The following PCNX1 variants were observed in gnomAD, a reference collection of about 807,000 sequenced individuals.
The protein encoded by PCNX1 is pecanex-like protein 1.
PCNX1 carries 78 observed loss-of-function variants against 242.2 expected under a neutral mutation model. The ratio of observed to expected loss-of-function variants is 0.32; its 90% CI spans 0.27 to 0.39. The LOEUF (loss-of-function observed/expected upper bound fraction) is 0.39, where lower values mean the gene tolerates loss of function less well. Among genes scored for constraint, PCNX1 ranks in the 10% least tolerant of loss-of-function variants. The probability of loss-of-function intolerance (pLI) is 1.00; values close to 1 mark genes in which losing one functional copy is unlikely to be tolerated. For missense variants in PCNX1, 2,581 were observed against 2,856.5 expected, an observed-to-expected ratio of 0.90 and a Z score of 2.20; for synonymous variants, 1,024 against 1,032.9, an observed-to-expected ratio of 0.99 and a Z score of 0.17.
At position 70,990,407 on chromosome 14, in the gene PCNX1, A is replaced by T. The variant is rs561982569; in HGVS notation, c.2444+1708A>T. On this transcript the variant is annotated intron_variant, in intron 7 of 35. Coordinates refer to ENST00000304743, the MANE Select transcript of PCNX1 (RefSeq NM_014982.3). The stretch of plus-strand genomic sequence containing the variant: ...ACCTCGTCTCTACTAAAAATAAAAA[A>T]AAAAAAATTAGCTGGGCCTGGTGGT... Among the ~76,000 whole-genome samples, 626 of 151,814 alleles carry T rather than the reference A, an allele frequency of 4.1e-3. 6 individuals are homozygous for T. The highest frequency in any genetic ancestry group is 0.014 in the African/African-American group (570 of 41,408).
At chr14:70,940,264 C>G (rs910607438) in intron 1 of PCNX1, among the ~76,000 whole-genome samples, 3 of 152,122 alleles carry the variant, frequency 2.0e-5, no homozygotes, top group Non-Finnish European at 4.4e-5. Flanking sequence ...GCAGTGGTTG[C>G]TACTGGTTGT....
Position 71,033,421 on chromosome 14 carries a change from T to G in PCNX1, c.3559-8T>G. On this transcript the variant is annotated splice_polypyrimidine_tract_variant and splice_region_variant and intron_variant, in intron 16 of 35. Coordinates refer to ENST00000304743, the MANE Select transcript of PCNX1 (RefSeq NM_014982.3). ...GCATATTATTCTGTTAAATTCATTT[T>G]TCCGCAGGATTCTTGGGATGGCCAG... The G allele has an allele frequency of 6.9e-7, 1 of 1,442,132 alleles. No homozygotes were observed. Among genetic ancestry groups the G allele is most frequent in the African/African-American group, 1.4e-5 (1 of 71,300 alleles). The allele number at this position is 1,442,132 out of a possible 1,614,324, so 89.3% of individuals were successfully genotyped here.
chr14:71,053,062 C>A (rs2141198904), intron 24 of PCNX1, among the ~76,000 whole-genome samples: 1 of 152,246 alleles, frequency 6.6e-6, no homozygotes, highest in African/African-American at 2.4e-5. Flanking sequence ...AAATTGTAAT[C>A]TCACCTTTTA....
chr14:70,949,240 T>C (rs28705925), intron 2 of PCNX1, among the ~76,000 whole-genome samples: 7 of 127,404 alleles, frequency 5.5e-5, no homozygotes, highest in South Asian at 2.3e-4. Context: ...TATGTGTATA[T>C]ACACACGTGT....
intron 8 of PCNX1, among the ~76,000 whole-genome samples, chr14:71,002,934 CATT>C (rs2059546667): frequency 6.6e-6 from 1 of 152,068 alleles, no homozygotes; most frequent in Admixed American, 6.6e-5. Flanking sequence ...AATGGTAACT[CATT>C]GTGGTTTAAA....
At chr14:70,966,838 A>T (rs868268304) in intron 3 of PCNX1, among the ~76,000 whole-genome samples, 1 of 152,236 alleles carries the variant, frequency 6.6e-6, no homozygotes, top group African/African-American at 2.4e-5. Context: ...TCTAGCAGAA[A>T]AATAGCAAAT....
chr14:70,918,648 A>G (rs2056245127), intron 1 of PCNX1, among the ~76,000 whole-genome samples: 1 of 152,210 alleles, frequency 6.6e-6, no homozygotes, highest in Non-Finnish European at 1.5e-5. Flanking sequence ...TACAAAATGC[A>G]GTATCTGTGA....
At chr14:71,105,898 T>TTA (rs1325019882) in intron 33 of PCNX1, among the ~76,000 whole-genome samples, 1 of 148,326 alleles carries the variant, frequency 6.7e-6, no homozygotes, top group Non-Finnish European at 1.5e-5. Flanking sequence ...TCATATTATT[T>TTA]TATATATATA....
intron 8 of PCNX1, among the ~76,000 whole-genome samples, chr14:71,003,045 T>G (rs2059549760): frequency 6.6e-6 from 1 of 150,776 alleles, no homozygotes; most frequent in Admixed American, 6.7e-5. Context: ...GTCCAGAAAT[T>G]TACTCATTTT....
chr14:70,921,235 G>A (rs576224280), intron 1 of PCNX1, among the ~76,000 whole-genome samples: 1 of 152,150 alleles, frequency 6.6e-6, no homozygotes, highest in East Asian at 1.9e-4. Context: ...TACATTACAC[G>A]TAATTTCCAC....
At chr14:70,929,758 T>G (rs2056722319) in intron 1 of PCNX1, among the ~76,000 whole-genome samples, 1 of 152,198 alleles carries the variant, frequency 6.6e-6, no homozygotes, top group Non-Finnish European at 1.5e-5. Context: ...GATGTAGATG[T>G]GCTATGTAAA....
chr14:71,114,274 T>C lies in PCNX1; in HGVS notation c.*4339T>C, dbSNP rs2141952581. The C allele has an allele frequency of 6.6e-6, 1 of 152,316 alleles. No homozygotes were observed. Among genetic ancestry groups the C allele is most frequent in the Non-Finnish European group, 1.5e-5 (1 of 68,016 alleles). The allele number at this position is 152,316 out of a possible 1,614,324, so 9.4% of individuals were successfully genotyped here. On this transcript the variant is annotated 3_prime_UTR_variant, in exon 36 of 36. Transcript: ENST00000304743. The stretch of plus-strand genomic sequence containing the variant: ...CGTTTTCTCCATTTATCTATCTTTT[T>C]TGTTTGTTTTTAATTTGGTTGATTG...
At chr14:70,949,057 T>C (rs374224929) in intron 2 of PCNX1, among the ~76,000 whole-genome samples, 5 of 148,900 alleles carry the variant, frequency 3.4e-5, no homozygotes, top group Non-Finnish European at 6.0e-5. Flanking sequence ...TATATAGATA[T>C]ATGTATGTAT....
At chr14:71,081,162 G>T (rs1422084788) in intron 28 of PCNX1, among the ~76,000 whole-genome samples, 1 of 152,128 alleles carries the variant, frequency 6.6e-6, no homozygotes, top group Admixed American at 6.6e-5. Flanking sequence ...TTTATGTGAT[G>T]GATTACGTTT....
intron 30 of PCNX1, among the ~76,000 whole-genome samples, chr14:71,092,160 G>A (rs76933249): frequency 0.012 from 1,753 of 152,344 alleles, 59 homozygotes; most frequent in East Asian, 0.1. Context: ...CCACCATTCC[G>A]AGATAAGTGA....
chr14:71,023,588 G>T (rs2060162703), intron 13 of PCNX1, among the ~76,000 whole-genome samples: 1 of 152,022 alleles, frequency 6.6e-6, no homozygotes, highest in Admixed American at 6.6e-5. Context: ...ATAGAATTTT[G>T]AAGTAGGAAA....
chr14:71,107,829 A>C (rs975235609), intron 33 of PCNX1, among the ~76,000 whole-genome samples: 11 of 152,178 alleles, frequency 7.2e-5, no homozygotes, highest in Non-Finnish European at 1.2e-4. Context: ...CTTAATAAAT[A>C]TTTCTTTTTA....
intron 16 of PCNX1, among the ~76,000 whole-genome samples, chr14:71,030,410 C>T (rs2060350671): frequency 6.6e-6 from 1 of 151,988 alleles, no homozygotes; most frequent in Non-Finnish European, 1.5e-5. Flanking sequence ...AGTTTACGTG[C>T]CTAGATTAGG....
chr14:71,088,611 C>G (rs1270053554), intron 29 of PCNX1, among the ~76,000 whole-genome samples, 181 bp downstream of exon 29: 1 of 152,154 alleles, frequency 6.6e-6, no homozygotes, highest in Non-Finnish European at 1.5e-5. Flanking sequence ...GTTAACAGAA[C>G]TGGTTTTTAA....
Sources: allele counts gnomAD v4.1 joint callset (sites outside exome capture counted in the v4.1 genomes callset), GRCh38; gene constraint gnomAD v4.1.1; transcripts MANE v1.5; gene names NCBI Gene and HGNC (gene_info 2026-07-23, HGNC 2026-07-21).